The following SYT2 variants were observed in gnomAD, a reference collection of about 807,000 sequenced individuals.
SYT2 encodes the protein synaptotagmin 2, also known as synaptotagmin-2.
SYT2 carries 15 observed loss-of-function variants against 39.9 expected under a neutral mutation model. That is an observed-to-expected ratio of 0.38 (90% CI 0.25 to 0.58). The LOEUF is 0.58. Among genes scored for constraint, SYT2 ranks in the 20% least tolerant of loss-of-function variants. The pLI, the probability that SYT2 is intolerant of heterozygous loss-of-function variation, is 0.70. For synonymous variants in SYT2, 181 were observed against 204.5 expected (o/e 0.89, Z 0.98); for missense variants, 389 against 530.3 (o/e 0.73, Z 2.62).
At chr1:202,633,285 G>C (rs1298306296) in intron 1 of SYT2, among the ~76,000 whole-genome samples, 1 of 152,158 alleles carries the variant, frequency 6.6e-6, no homozygotes, top group Non-Finnish European at 1.5e-5. Flanking sequence ...GCTAGGCCAA[G>C]CCTCCAAAGA....
chr1:202,643,873 C>T (rs1692008392), intron 1 of SYT2, among the ~76,000 whole-genome samples: 1 of 152,164 alleles, frequency 6.6e-6, no homozygotes, highest in Non-Finnish European at 1.5e-5. Context: ...ACACTCCCCA[C>T]CCCACCCGCC....
intron 1 of SYT2, among the ~76,000 whole-genome samples, chr1:202,664,806 C>T (rs969031544): frequency 2.6e-5 from 4 of 152,160 alleles, no homozygotes; most frequent in Non-Finnish European, 5.9e-5. Context: ...ATTACAGGTG[C>T]CCACCACCAT....
intron 1 of SYT2, among the ~76,000 whole-genome samples, chr1:202,638,005 G>A (rs181889386): frequency 6.6e-6 from 1 of 152,368 alleles, no homozygotes; most frequent in East Asian, 1.9e-4. Context: ...TTTGCCAACA[G>A]CGGGCAATTC....
chr1:202,644,233 G>A lies in SYT2; in HGVS notation c.-17-38444C>T, dbSNP rs189200844. On this transcript the variant is annotated intron_variant, in intron 1 of 8. Transcript: ENST00000367268. ...TGGAGGGGTACGGGTGTGGGGGAGA[G>A]GAGGAAGAGCGTCTGCTGGCACAGG... Among the ~76,000 whole-genome samples, 38 of 152,238 alleles carry A rather than the reference G, an allele frequency of 2.5e-4. No individual in the cohort carries two copies. In the East Asian group the frequency reaches 7.2e-3, roughly 29 times the overall value.
chr1:202,602,638 A>G (rs1425558763), intron 4 of SYT2, 93 bp from the exon 5 acceptor site: 5 of 1,307,128 alleles, frequency 3.8e-6, no homozygotes, highest in Non-Finnish European at 5.2e-6. Flanking sequence ...ATTCCGTCCC[A>G]GAGGAGGCAG....
rs370507637 is a variant in SYT2 at position 202,605,798 on chromosome 1, G to A, written c.-17-9C>T. 48 of 1,609,520 alleles carry A rather than the reference G, an allele frequency of 3.0e-5. No individual in the cohort carries two copies. The highest frequency in any genetic ancestry group is 3.7e-5 in the Non-Finnish European group (44 of 1,176,464). ...GGTGGCAGAGGAAACAGCTGGGGAC[G>A]AGAGGTGAAGAGGGCAGGGTGAGCA... On this transcript the variant is annotated splice_polypyrimidine_tract_variant and intron_variant, in intron 1 of 8. Coordinates refer to ENST00000367268, the MANE Select transcript of SYT2 (RefSeq NM_177402.5).
At chr1:202,620,631 A>G (rs1691179429) in intron 1 of SYT2, among the ~76,000 whole-genome samples, 1 of 151,996 alleles carries the variant, frequency 6.6e-6, no homozygotes, top group African/African-American at 2.4e-5. Context: ...TCTTATAACA[A>G]GCAGAAACAA....
chr1:202,666,114 C>G (rs1193969163), intron 1 of SYT2, among the ~76,000 whole-genome samples: 2 of 148,896 alleles, frequency 1.3e-5, no homozygotes, highest in African/African-American at 5.0e-5. Context: ...GATCGTGCCA[C>G]TGCACTCCAG....
At chr1:202,690,848 C>A (rs1239389150) in intron 1 of SYT2, among the ~76,000 whole-genome samples, 1 of 152,160 alleles carries the variant, frequency 6.6e-6, no homozygotes, top group Non-Finnish European at 1.5e-5. Flanking sequence ...ATAAGATCCT[C>A]TCTAAGACCC....
rs189182186 is a variant in SYT2, at chr1:202,618,164, G to A, written c.-17-12375C>T. Among the ~76,000 whole-genome samples the A allele has an allele frequency of 7.9e-4, 120 of 152,182 alleles. 1 individual carries two copies. Among genetic ancestry groups the A allele is most frequent in the African/African-American group, 2.8e-3 (115 of 41,518 alleles). On this transcript the variant is annotated intron_variant, in intron 1 of 8. Transcript: ENST00000367268. ...TAATCTGCCCACATTCAATAAATAT[G>A]TGGGTCTGTAAATGATCAAGCAGGA...
At chr1:202,709,777 C>A (rs577203804) in intron 1 of SYT2, among the ~76,000 whole-genome samples, 1 of 152,206 alleles carries the variant, frequency 6.6e-6, no homozygotes, top group African/African-American at 2.4e-5. Context: ...CCAGACCCCA[C>A]CCCCCGCCCC....
At chr1:202,604,751 C>G (rs557320607) in intron 2 of SYT2, 130 bp from the exon 3 acceptor site, 1 of 809,392 alleles carries the variant, frequency 1.2e-6, no homozygotes, top group African/African-American at 1.7e-5. Flanking sequence ...ATTTTAAAAG[C>G]CACACACCCA....
chr1:202,673,180 G>A (rs373840890), intron 1 of SYT2, among the ~76,000 whole-genome samples: 2 of 151,982 alleles, frequency 1.3e-5, no homozygotes, highest in African/African-American at 4.8e-5. Context: ...GTAGATGGTG[G>A]GCTTGGGTTT....
chr1:202,642,834 C>T (rs1405564681), intron 1 of SYT2, among the ~76,000 whole-genome samples: 1 of 152,206 alleles, frequency 6.6e-6, no homozygotes, highest in Non-Finnish European at 1.5e-5. Context: ...TCCGCACGCC[C>T]ACTTCATGCA....
intron 1 of SYT2, among the ~76,000 whole-genome samples, chr1:202,680,493 A>G (rs1653497144): frequency 6.6e-6 from 1 of 152,146 alleles, no homozygotes; most frequent in African/African-American, 2.4e-5. Flanking sequence ...GTGAGCTATG[A>G]TCATGCCGCT....
At chr1:202,708,384 C>A (rs1203469555) in intron 1 of SYT2, among the ~76,000 whole-genome samples, 3 of 151,926 alleles carry the variant, frequency 2.0e-5, no homozygotes, top group Non-Finnish European at 4.4e-5. Flanking sequence ...CCTCTGCCTC[C>A]CTCTCCTCCT....
chr1:202,677,101 G>A (rs1184463688), intron 1 of SYT2, among the ~76,000 whole-genome samples: 1 of 152,180 alleles, frequency 6.6e-6, no homozygotes, highest in East Asian at 1.9e-4. Flanking sequence ...TCCCAGCCAT[G>A]CCTACTGTAC....
At chr1:202,615,566 A>C (rs1439238867) in intron 1 of SYT2, among the ~76,000 whole-genome samples, 2 of 152,036 alleles carry the variant, frequency 1.3e-5, no homozygotes, top group Non-Finnish European at 2.9e-5. Flanking sequence ...TGATCTCCAC[A>C]CTGCAGCCAG....
chr1:202,699,936 A>T (rs748377380), intron 1 of SYT2, among the ~76,000 whole-genome samples: 1 of 152,084 alleles, frequency 6.6e-6, no homozygotes, highest in Non-Finnish European at 1.5e-5. Context: ...TAAAATAAAG[A>T]GCTGGACTAC....
Sources: gnomAD v4.1 joint callset for allele counts (sites outside exome capture counted in the v4.1 genomes callset) on GRCh38, gnomAD v4.1.1 for gene constraint, MANE v1.5 for transcripts, NCBI Gene and HGNC (gene_info 2026-07-23, HGNC 2026-07-21) for gene names.